The following SLC26A7 variants were observed in gnomAD, a reference collection of about 807,000 sequenced individuals.
SLC26A7 encodes the protein solute carrier family 26 member 7.
Under a neutral mutation model 82.5 loss-of-function variants are expected in SLC26A7, and 59 were observed. The observed-to-expected ratio is 0.72, with a 90% CI of 0.58 to 0.89. The LOEUF is 0.89. Among genes scored for constraint, SLC26A7 ranks in the 40% least tolerant of loss-of-function variants. The pLI is 0.00. For synonymous variants in SLC26A7, 271 were observed against 274.3 expected (o/e 0.99, Z 0.12); for missense variants, 820 against 793.0 (o/e 1.03, Z -0.41).
chr8:91,307,565 C>T (rs1373282025), intron 4 of SLC26A7, among the ~76,000 whole-genome samples: 27 of 140,804 alleles, frequency 1.9e-4, no homozygotes, highest in Middle Eastern at 3.5e-3. Flanking sequence ...AACCAAACAC[C>T]GCATATTCTC....
intron 2 of SLC26A7, among the ~76,000 whole-genome samples, chr8:91,224,833 G>A (rs546173745): frequency 5.3e-5 from 8 of 152,272 alleles, no homozygotes; most frequent in African/African-American, 1.4e-4. Context: ...CACCCCTCCC[G>A]AGGAGCTCAG....
intron 11 of SLC26A7, among the ~76,000 whole-genome samples, chr8:91,355,481 G>A (rs1813837372): frequency 6.6e-6 from 1 of 151,580 alleles, no homozygotes; most frequent in Admixed American, 6.6e-5. Flanking sequence ...TGATTTCTTT[G>A]GACTAGACAC....
intron 2 of SLC26A7, among the ~76,000 whole-genome samples, chr8:91,269,937 ATTGT>A (rs1301525259): frequency 3.3e-5 from 5 of 151,694 alleles, no homozygotes; most frequent in East Asian, 1.9e-4. Flanking sequence ...CTTTTTTTAA[ATTGT>A]TTGTATTTAT....
intron 2 of SLC26A7, among the ~76,000 whole-genome samples, chr8:91,238,453 T>C (rs1810421439): frequency 6.6e-6 from 1 of 151,718 alleles, no homozygotes; most frequent in Admixed American, 6.6e-5. Flanking sequence ...TATTGATGTA[T>C]ATGATATAGC....
At chr8:91,379,900 T>G (rs1031442725) in intron 15 of SLC26A7, among the ~76,000 whole-genome samples, 3 of 151,912 alleles carry the variant, frequency 2.0e-5, no homozygotes, top group African/African-American at 4.8e-5. Flanking sequence ...ACTTATAAAA[T>G]GCAGAAAGGA....
intron 15 of SLC26A7, among the ~76,000 whole-genome samples, chr8:91,376,857 A>G (rs75331882): frequency 0.011 from 1,640 of 152,218 alleles, 25 homozygotes; most frequent in African/African-American, 0.038. Flanking sequence ...CTGAGCTGGC[A>G]GGAATGCAGT....
chr8:91,210,144 C>G lies in SLC26A7; in HGVS notation c.-150+602C>G, dbSNP rs151336784. Reference sequence around the variant, plus strand: ...GGGTGACATTTAAGTAATAGAGTTTCTGGCCCTCATATTAACTTTGTGACT... The same window carrying G: ...GGGTGACATTTAAGTAATAGAGTTTGTGGCCCTCATATTAACTTTGTGACT... On this transcript the variant is annotated intron_variant, in intron 1 of 5. Transcript: ENST00000522862. Among the ~76,000 whole-genome samples, 7 of 152,294 alleles carry G rather than the reference C, an allele frequency of 4.6e-5. No individual in the cohort carries two copies. In the East Asian group the frequency reaches 1.2e-3, roughly 25 times the overall value.
At chr8:91,375,066 T>G (rs1393515573) in intron 15 of SLC26A7, among the ~76,000 whole-genome samples, 2 of 152,086 alleles carry the variant, frequency 1.3e-5, no homozygotes, top group African/African-American at 4.8e-5. Context: ...ACTCCTGTTC[T>G]TTTATGTTTT....
intron 2 of SLC26A7, among the ~76,000 whole-genome samples, chr8:91,231,815 G>A (rs1183371587): frequency 1.3e-5 from 2 of 152,074 alleles, no homozygotes; most frequent in Non-Finnish European, 2.9e-5. Flanking sequence ...GCACATGTGA[G>A]CATTGTCTTT....
intron 2 of SLC26A7, among the ~76,000 whole-genome samples, chr8:91,252,552 G>T (rs12334426): frequency 0.054 from 8,230 of 151,934 alleles, 265 homozygotes; most frequent in Middle Eastern, 0.082. Flanking sequence ...ATTCTCTGCA[G>T]ATTTTTTGCC....
At chr8:91,233,118 A>T (rs1459090937) in intron 2 of SLC26A7, among the ~76,000 whole-genome samples, 1 of 152,186 alleles carries the variant, frequency 6.6e-6, no homozygotes, top group Non-Finnish European at 1.5e-5. Flanking sequence ...ACCCTAATGA[A>T]AAAGAAACCA....
chr8:91,253,445 C>T (rs1810715089), intron 2 of SLC26A7, among the ~76,000 whole-genome samples: 1 of 152,036 alleles, frequency 6.6e-6, no homozygotes, highest in Non-Finnish European at 1.5e-5. Flanking sequence ...TTGAAGTCAT[C>T]ATCTTGTGGG....
At chr8:91,291,507 T>C (rs534621660) in intron 3 of SLC26A7, among the ~76,000 whole-genome samples, 13 of 152,324 alleles carry the variant, frequency 8.5e-5, no homozygotes, top group Admixed American at 2.6e-4. Context: ...AAAAAAGTTG[T>C]TTTAATACTA....
chr8:91,330,291 C>A (rs1248033302), intron 5 of SLC26A7, among the ~76,000 whole-genome samples: 1 of 152,106 alleles, frequency 6.6e-6, no homozygotes, highest in African/African-American at 2.4e-5. Flanking sequence ...ATTCAATATG[C>A]AGAATTCAGG....
chr8:91,383,444 A>G (rs1814717550), intron 15 of SLC26A7, among the ~76,000 whole-genome samples: 1 of 152,152 alleles, frequency 6.6e-6, no homozygotes, highest in African/African-American at 2.4e-5. Flanking sequence ...AAAGGAAGAA[A>G]AGACATAAAC....
At chr8:91,268,314 C>T (rs1811169088) in intron 2 of SLC26A7, among the ~76,000 whole-genome samples, 1 of 151,760 alleles carries the variant, frequency 6.6e-6, no homozygotes, top group Non-Finnish European at 1.5e-5. Flanking sequence ...TTGGGTGCTC[C>T]AGTATTGGGT....
At chr8:91,320,252 G>A (rs188137935) in intron 5 of SLC26A7, among the ~76,000 whole-genome samples, 84 of 152,068 alleles carry the variant, frequency 5.5e-4, no homozygotes, top group Admixed American at 3.2e-3. Context: ...TAGTAGAGAC[G>A]GGGTTTCACC....
intron 15 of SLC26A7, among the ~76,000 whole-genome samples, chr8:91,381,773 C>G (rs76313462): frequency 6.6e-6 from 1 of 152,098 alleles, no homozygotes; most frequent in South Asian, 2.1e-4. Flanking sequence ...GTTCAAGTAA[C>G]GCCCTGCTGT....
chr8:91,229,969 C>A (rs1810289925), intron 2 of SLC26A7, among the ~76,000 whole-genome samples: 1 of 152,196 alleles, frequency 6.6e-6, no homozygotes. Flanking sequence ...TGCCCCTTCA[C>A]CCCCGGCAAA....
Sources: allele counts gnomAD v4.1 joint callset (sites outside exome capture counted in the v4.1 genomes callset), GRCh38; gene constraint gnomAD v4.1.1; transcripts MANE v1.5; gene names NCBI Gene and HGNC (gene_info 2026-07-23, HGNC 2026-07-21).